The following EPHA7 variants were observed in gnomAD, a reference collection of about 807,000 sequenced individuals.
EPHA7 encodes ephrin type-A receptor 7.
Under a neutral mutation model 112.6 loss-of-function variants are expected in EPHA7, and 25 were observed. That is an observed-to-expected ratio of 0.22 (90% CI 0.16 to 0.31). The LOEUF is 0.31. EPHA7 is among the 10% of genes least tolerant of loss of function. The pLI, the probability that EPHA7 is intolerant of heterozygous loss-of-function variation, is 1.00. For missense variants in EPHA7, 962 were observed against 1,212.6 expected (o/e 0.79, Z 3.07); for synonymous variants, 437 against 406.5 (o/e 1.07, Z -0.90).
chr6:93,331,433 T>C (rs1461444969), intron 5 of EPHA7, among the ~76,000 whole-genome samples: 1 of 148,828 alleles, frequency 6.7e-6, no homozygotes, highest in Non-Finnish European at 1.5e-5. Context: ...ATGCAGATTA[T>C]ATATTTAGCA....
chr6:93,410,707 A>C lies in EPHA7; in HGVS notation c.626T>G (p.Ile209Ser). ...KVYYKKCWSI[I>S]ENLAIFPDTV... ...ATCTGGAAAGATAGCTAAGTTCTCAATAATGGACCAGCACTTCTTGTAGTA... is the reference window on the plus strand; with the variant it reads ...ATCTGGAAAGATAGCTAAGTTCTCACTAATGGACCAGCACTTCTTGTAGTA... The change falls in exon 3 of 17, where the codon ATT (isoleucine) becomes AGT (serine). Residue 209 changes from isoleucine (I) to serine (S), a missense_variant. Coordinates refer to ENST00000369303, the MANE Select transcript of EPHA7 (RefSeq NM_004440.4). The surrounding 1 kb of genome is among the most constrained non-coding windows in gnomAD (Gnocchi z 4.0). 1 of 1,614,098 alleles carries C rather than the reference A, an allele frequency of 6.2e-7. No homozygotes were observed. The highest frequency in any genetic ancestry group is 2.2e-5 in the East Asian group (1 of 44,866).
intron 5 of EPHA7, among the ~76,000 whole-genome samples, chr6:93,331,752 A>G (rs1412081185): frequency 6.6e-6 from 1 of 151,632 alleles, no homozygotes; most frequent in African/African-American, 2.4e-5. Context: ...CAACCATATT[A>G]TACCTTGTTT....
At chr6:93,413,750 A>G (rs1488552272) in intron 2 of EPHA7, among the ~76,000 whole-genome samples, 1 of 151,902 alleles carries the variant, frequency 6.6e-6, no homozygotes, top group African/African-American at 2.4e-5. Flanking sequence ...TGTTTTGTTC[A>G]TATTTTACAT....
At chr6:93,329,605 G>T (rs1416738750) in intron 5 of EPHA7, among the ~76,000 whole-genome samples, 3 of 151,036 alleles carry the variant, frequency 2.0e-5, no homozygotes, top group Non-Finnish European at 4.4e-5. Context: ...TTTTAAAAAA[G>T]GAGACATTGC....
intron 5 of EPHA7, among the ~76,000 whole-genome samples, chr6:93,339,891 T>C (rs1445012385): frequency 1.3e-5 from 2 of 151,768 alleles, no homozygotes; most frequent in African/African-American, 2.4e-5. Context: ...TTATTTACTA[T>C]ACAATGTACA....
chr6:93,285,793 C>T (rs528787587), intron 5 of EPHA7, among the ~76,000 whole-genome samples: 1 of 152,256 alleles, frequency 6.6e-6, no homozygotes, highest in South Asian at 2.1e-4. Flanking sequence ...ATAACGAACT[C>T]AAAAACTAAC....
intron 5 of EPHA7, among the ~76,000 whole-genome samples, chr6:93,314,181 AT>A (rs1773677684): frequency 6.6e-6 from 1 of 152,096 alleles, no homozygotes; most frequent in Non-Finnish European, 1.5e-5. Flanking sequence ...TCAAAATTAC[AT>A]TAGAAAATAA....
At chr6:93,255,206 T>G (rs767943978) in intron 13 of EPHA7, among the ~76,000 whole-genome samples, 2 of 151,478 alleles carry the variant, frequency 1.3e-5, no homozygotes, top group Non-Finnish European at 2.9e-5. Flanking sequence ...AAATTATCCG[T>G]GCGTGGTGGT....
At chr6:93,352,521 A>G (rs538868999) in intron 5 of EPHA7, among the ~76,000 whole-genome samples, 1 of 152,188 alleles carries the variant, frequency 6.6e-6, no homozygotes, top group East Asian at 1.9e-4. Flanking sequence ...TGTTCTCTGA[A>G]TGAATCATTC....
At chr6:93,365,920 T>C (rs1776483904) in intron 3 of EPHA7, among the ~76,000 whole-genome samples, 1 of 152,166 alleles carries the variant, frequency 6.6e-6, no homozygotes, top group African/African-American at 2.4e-5. Context: ...TAATAACATA[T>C]AGTGGAAAAG....
intron 3 of EPHA7, among the ~76,000 whole-genome samples, chr6:93,367,225 A>G (rs2127956185): frequency 6.6e-6 from 1 of 152,310 alleles, no homozygotes; most frequent in Middle Eastern, 3.4e-3. Context: ...CAATTAGGAG[A>G]GTTCTTACCC....
chr6:93,328,101 T>G (rs1774410578), intron 5 of EPHA7, among the ~76,000 whole-genome samples: 1 of 151,432 alleles, frequency 6.6e-6, no homozygotes, highest in Admixed American at 6.6e-5. Flanking sequence ...CACAGGCTGT[T>G]CTCTCTGTCC....
At chr6:93,249,585 C>T (rs1487969148) in intron 14 of EPHA7, among the ~76,000 whole-genome samples, 1 of 152,094 alleles carries the variant, frequency 6.6e-6, no homozygotes, top group Admixed American at 6.5e-5. Flanking sequence ...TAAACACATA[C>T]AGTCTATTTC....
intron 5 of EPHA7, among the ~76,000 whole-genome samples, chr6:93,344,840 T>C (rs1485050860): frequency 1.3e-5 from 2 of 151,656 alleles, no homozygotes; most frequent in African/African-American, 4.8e-5. Flanking sequence ...TGTCATGTGC[T>C]TCTGAGATTC....
intron 5 of EPHA7, among the ~76,000 whole-genome samples, chr6:93,301,853 A>T (rs1171566732): frequency 6.6e-6 from 1 of 152,148 alleles, no homozygotes; most frequent in African/African-American, 2.4e-5. Context: ...TCGACATCTG[A>T]ATTATCATCT....
chr6:93,257,733 A>C (rs185425460), intron 11 of EPHA7, among the ~76,000 whole-genome samples: 32 of 152,182 alleles, frequency 2.1e-4, no homozygotes, highest in Admixed American at 1.8e-3. Flanking sequence ...CCATATAAAT[A>C]AAAGTCACTG....
intron 3 of EPHA7, among the ~76,000 whole-genome samples, chr6:93,400,095 TA>T (rs1291427229): frequency 6.6e-6 from 1 of 152,022 alleles, no homozygotes; most frequent in Non-Finnish European, 1.5e-5. Context: ...AGGATAAAAG[TA>T]CTTTATAGGA....
intron 4 of EPHA7, 94 bp downstream of exon 4, chr6:93,358,162 G>T (rs1375039805): frequency 3.2e-6 from 3 of 936,456 alleles, no homozygotes; most frequent in Middle Eastern, 2.6e-4. Context: ...AATTAAGAAT[G>T]TATCACAAAT....
intron 4 of EPHA7, 76 bp downstream of exon 4, chr6:93,358,176 ATATC>A: frequency 9.3e-7 from 1 of 1,076,986 alleles, no homozygotes; most frequent in Admixed American, 3.1e-5. Context: ...CACAAATTCA[ATATC>A]TATTTCATTG....
Sources: gnomAD v4.1 joint callset for allele counts (sites outside exome capture counted in the v4.1 genomes callset) on GRCh38, gnomAD v4.1.1 for gene constraint, Gnocchi (gnomAD v3.1) non-coding constraint, MANE v1.5 for transcripts, NCBI Gene and HGNC (gene_info 2026-07-23, HGNC 2026-07-21) for gene names.